Variants in CPA6 observed in about 807,000 individuals in gnomAD.
CPA6 encodes carboxypeptidase B.
CPA6 carries 58 observed loss-of-function variants against 63.3 expected under a neutral mutation model. That is an observed-to-expected ratio of 0.92 (90% CI 0.74 to 1.14). The LOEUF (loss-of-function observed/expected upper bound fraction) is 1.14, where lower values mean the gene tolerates loss of function less well. CPA6 is among the 50% of genes most tolerant of loss of function. CPA6 has a pLI of 0.00. For missense variants in CPA6, 565 were observed against 526.6 expected (o/e 1.07, Z -0.71); for synonymous variants, 185 against 179.0 (o/e 1.03, Z -0.27).
At chr8:67,647,528 A>G (rs1053393251) in intron 1 of CPA6, among the ~76,000 whole-genome samples, 18 of 152,090 alleles carry the variant, frequency 1.2e-4, no homozygotes, top group Admixed American at 1.0e-3. Flanking sequence ...CTCAGAAACC[A>G]ATGCCACAAA....
chr8:67,449,638 T>A (rs1810510363), intron 8 of CPA6, among the ~76,000 whole-genome samples: 1 of 152,130 alleles, frequency 6.6e-6, no homozygotes, highest in Non-Finnish European at 1.5e-5. Context: ...TTGATTGCTG[T>A]TGCTGTTGTC....
chr8:67,432,917 C>CCTA (rs1221428977), intron 9 of CPA6, among the ~76,000 whole-genome samples: 1 of 152,176 alleles, frequency 6.6e-6, no homozygotes, highest in East Asian at 1.9e-4. Context: ...TTGGGAACCC[C>CCTA]CTACTTGCTA....
intron 1 of CPA6, among the ~76,000 whole-genome samples, chr8:67,728,538 A>C (rs918026544): frequency 1.8e-4 from 28 of 152,214 alleles, no homozygotes; most frequent in Admixed American, 1.4e-3. Context: ...GTTTTGATAG[A>C]CTAAATAAAT....
At chr8:67,538,380 G>A (rs1385108970) in intron 2 of CPA6, among the ~76,000 whole-genome samples, 1 of 152,066 alleles carries the variant, frequency 6.6e-6, no homozygotes, top group Non-Finnish European at 1.5e-5. Flanking sequence ...TGTATTGGGT[G>A]CATATATATT....
intron 2 of CPA6, among the ~76,000 whole-genome samples, chr8:67,622,311 C>G (rs1815100844): frequency 6.6e-6 from 1 of 152,136 alleles, no homozygotes; most frequent in African/African-American, 2.4e-5. Flanking sequence ...TTAATAAGTT[C>G]CTGGTGGACT....
intron 1 of CPA6, among the ~76,000 whole-genome samples, chr8:67,653,172 T>C (rs113546698): frequency 0.32 from 47,114 of 149,352 alleles, 7,704 homozygotes; most frequent in African/African-American, 0.43. Flanking sequence ...AGTCAGGTAG[T>C]GTGATGCCTC....
chr8:67,520,255 T>C (rs1812232967), intron 2 of CPA6, among the ~76,000 whole-genome samples: 1 of 152,158 alleles, frequency 6.6e-6, no homozygotes, highest in Admixed American at 6.5e-5. Flanking sequence ...CTGGGGTACA[T>C]GCTGAAGTAA....
At chr8:67,731,645 C>G (rs1817707034) in intron 1 of CPA6, among the ~76,000 whole-genome samples, 1 of 152,220 alleles carries the variant, frequency 6.6e-6, no homozygotes. Context: ...GGAAGCCTGA[C>G]TGTACTCTCC....
chr8:67,684,849 G>C (rs1816678377), intron 1 of CPA6, among the ~76,000 whole-genome samples: 1 of 152,058 alleles, frequency 6.6e-6, no homozygotes, highest in Admixed American at 6.5e-5. Context: ...CCCTAGGTGA[G>C]GTCTGACCAC....
chr8:67,652,966 A>C (rs564324373), intron 1 of CPA6, among the ~76,000 whole-genome samples: 101 of 152,090 alleles, frequency 6.6e-4, no homozygotes, highest in African/African-American at 2.4e-3. Flanking sequence ...ATGGCTAGCC[A>C]GTTTTCCCAG....
At chr8:67,631,044 G>A (rs566037343) in intron 1 of CPA6, among the ~76,000 whole-genome samples, 59 of 152,282 alleles carry the variant, frequency 3.9e-4, no homozygotes, top group African/African-American at 5.3e-4. Context: ...CCCAACATGC[G>A]CGGCCCCCTA....
chr8:67,676,515 A>T (rs1816477636), intron 1 of CPA6, among the ~76,000 whole-genome samples: 3 of 152,172 alleles, frequency 2.0e-5, no homozygotes, highest in East Asian at 1.9e-4. Flanking sequence ...GTGTCAGACC[A>T]CTCTGTTTTG....
At chr8:67,654,917 C>T (rs1312215885) in intron 1 of CPA6, among the ~76,000 whole-genome samples, 1 of 152,146 alleles carries the variant, frequency 6.6e-6, no homozygotes, top group Non-Finnish European at 1.5e-5. Flanking sequence ...CTTTCTATTG[C>T]TCGCTCTGAA....
At chr8:67,610,453 A>C (rs569999138) in intron 2 of CPA6, among the ~76,000 whole-genome samples, 26 of 152,288 alleles carry the variant, frequency 1.7e-4, no homozygotes, top group African/African-American at 6.0e-4. Flanking sequence ...GCACCTCCTC[A>C]GTTATTCACA....
rs1463189899 is a variant in CPA6, at chr8:67,703,006, C to T, written c.116+43008G>A. 2.6e-5 allele frequency among the ~76,000 whole-genome samples: 4 copies of T among 152,264 alleles called. No homozygotes were observed. The South Asian group carries it at 6.2e-4, about 24-fold the overall frequency. ...CAGTCTCTCACTCTGCCTTATGCCC[C>T]TTGGATGAATTCTTTCCTCTGAGGA... is the stretch of plus-strand genomic sequence containing the variant. On this transcript the variant is annotated intron_variant, in intron 1 of 10. Transcript: ENST00000297770.
intron 1 of CPA6, among the ~76,000 whole-genome samples, chr8:67,652,628 T>G (rs1815875188): frequency 6.7e-6 from 1 of 150,274 alleles, no homozygotes. Context: ...CATTGTAGAT[T>G]CTGGATATTA....
chr8:67,607,251 T>TCCTCCTC (rs1564021548), intron 2 of CPA6, among the ~76,000 whole-genome samples: 81 of 80,952 alleles, frequency 1.0e-3, no homozygotes, highest in Non-Finnish European at 1.3e-3. Flanking sequence ...TTCTTCTTCT[T>TCCTCCTC]CTCCTCCTCC....
intron 8 of CPA6, among the ~76,000 whole-genome samples, chr8:67,438,750 A>C (rs1563952841): frequency 8.5e-6 from 1 of 118,322 alleles, no homozygotes; most frequent in Non-Finnish European, 1.6e-5. Flanking sequence ...AAATCCTAGG[A>C]GACAACAAAT....
At chr8:67,496,199 G>T (rs930952492) in intron 6 of CPA6, among the ~76,000 whole-genome samples, 3 of 151,852 alleles carry the variant, frequency 2.0e-5, no homozygotes, top group Non-Finnish European at 4.4e-5. Flanking sequence ...GGCCTCCAAA[G>T]ACACACTATT....
Sources: allele counts gnomAD v4.1 joint callset (sites outside exome capture counted in the v4.1 genomes callset), GRCh38; gene constraint gnomAD v4.1.1; transcripts MANE v1.5; gene names NCBI Gene and HGNC (gene_info 2026-07-23, HGNC 2026-07-21).